The following NRXN3 variants were observed in gnomAD, a reference collection of about 807,000 sequenced individuals.
The protein encoded by NRXN3 is neurexin 3.
Under a neutral mutation model 137.6 loss-of-function variants are expected in NRXN3, and 32 were observed. The ratio of observed to expected loss-of-function variants is 0.23; its 90% CI spans 0.18 to 0.31. NRXN3 has a LOEUF of 0.31. Ranked by LOEUF, NRXN3 falls within the 10% of genes least tolerant of loss-of-function variation. The pLI, the probability that NRXN3 is intolerant of heterozygous loss-of-function variation, is 1.00. For missense variants in NRXN3, 1,574 were observed against 2,062.5 expected (o/e 0.76, Z 4.59); for synonymous variants, 798 against 784.5 (o/e 1.02, Z -0.29).
At chr14:79,593,968 T>C (rs2097836889) in intron 16 of NRXN3, among the ~76,000 whole-genome samples, 1 of 152,204 alleles carries the variant, frequency 6.6e-6, no homozygotes, top group African/African-American at 2.4e-5. Context: ...AACATTATAA[T>C]AGATGCCCTC....
intron 10 of NRXN3, among the ~76,000 whole-genome samples, chr14:78,834,708 A>G (rs1251788005): frequency 6.6e-6 from 1 of 152,054 alleles, no homozygotes; most frequent in Non-Finnish European, 1.5e-5. Flanking sequence ...GTGTTCCTGA[A>G]TTTCCTCTGC....
At chr14:78,701,570 C>T (rs1376790317) in intron 6 of NRXN3, among the ~76,000 whole-genome samples, 2 of 152,320 alleles carry the variant, frequency 1.3e-5, no homozygotes, top group Middle Eastern at 3.4e-3. Context: ...TCTACTCCAG[C>T]TTGCCATATG....
intron 16 of NRXN3, among the ~76,000 whole-genome samples, chr14:79,516,430 G>C (rs2096985379): frequency 1.3e-5 from 2 of 152,160 alleles, no homozygotes; most frequent in African/African-American, 4.8e-5. Flanking sequence ...CAACTAGCAG[G>C]AGTGTTCAGA....
At chr14:78,297,339 T>C (rs1356906351) in intron 3 of NRXN3, among the ~76,000 whole-genome samples, 2 of 152,212 alleles carry the variant, frequency 1.3e-5, no homozygotes, top group Admixed American at 1.3e-4. Context: ...TGGTAGTCTC[T>C]GGAAGGTGGG....
intron 10 of NRXN3, among the ~76,000 whole-genome samples, chr14:78,878,133 G>A (rs1173158064): frequency 1.1e-4 from 16 of 152,080 alleles, no homozygotes; most frequent in Admixed American, 1.0e-3. Flanking sequence ...AAAAAGGCCT[G>A]TAGCTACTGG....
intron 4 of NRXN3, among the ~76,000 whole-genome samples, chr14:78,530,614 A>G (rs1332506726): frequency 6.6e-6 from 1 of 152,148 alleles, no homozygotes; most frequent in Non-Finnish European, 1.5e-5. Flanking sequence ...CCAAGTGTAG[A>G]CAGGAGTAGG....
At chr14:78,993,582 A>T (rs1174386255) in intron 15 of NRXN3, among the ~76,000 whole-genome samples, 1 of 152,188 alleles carries the variant, frequency 6.6e-6, no homozygotes, top group Admixed American at 6.6e-5. Context: ...CTTAGAATGC[A>T]CTTTATCATG....
intron 4 of NRXN3, among the ~76,000 whole-genome samples, chr14:78,430,045 G>A (rs2093816019): frequency 6.6e-6 from 1 of 152,190 alleles, no homozygotes; most frequent in South Asian, 2.1e-4. Context: ...AGCAGCGTAG[G>A]CAACATAGCA....
intron 15 of NRXN3, among the ~76,000 whole-genome samples, chr14:79,364,860 G>C (rs1480043562): frequency 6.6e-6 from 1 of 152,084 alleles, no homozygotes; most frequent in Non-Finnish European, 1.5e-5. Context: ...TTAATTAGTA[G>C]AGACCCTTTC....
chr14:78,961,659 T>C (rs185918408), intron 11 of NRXN3, among the ~76,000 whole-genome samples: 1 of 152,274 alleles, frequency 6.6e-6, no homozygotes, highest in Non-Finnish European at 1.5e-5. Context: ...GTTTTACAGA[T>C]GGGGATCTGA....
chr14:79,558,989 T>A (rs2097460440), intron 16 of NRXN3, among the ~76,000 whole-genome samples: 1 of 152,074 alleles, frequency 6.6e-6, no homozygotes, highest in Non-Finnish European at 1.5e-5. Context: ...AGCTTCCTAC[T>A]TTTTTTTCCT....
At chr14:78,480,971 C>T (rs1277458958) in intron 4 of NRXN3, among the ~76,000 whole-genome samples, 1 of 152,042 alleles carries the variant, frequency 6.6e-6, no homozygotes, top group African/African-American at 2.4e-5. Context: ...CCTTTGTGAC[C>T]TCTTTCTGTG....
intron 15 of NRXN3, among the ~76,000 whole-genome samples, chr14:79,055,129 C>T (rs142794186): frequency 6.0e-4 from 92 of 152,282 alleles, no homozygotes; most frequent in Middle Eastern, 3.4e-3. Flanking sequence ...ACACCTTAGG[C>T]GTTAGCTGTC....
chr14:78,624,350 A>T (rs538374252), intron 4 of NRXN3, among the ~76,000 whole-genome samples: 1 of 152,202 alleles, frequency 6.6e-6, no homozygotes, highest in African/African-American at 2.4e-5. Flanking sequence ...TTCTTCTCAC[A>T]CAGGGAGGTA....
At chr14:79,181,859 T>TG (rs1385838351) in intron 15 of NRXN3, among the ~76,000 whole-genome samples, 3 of 152,062 alleles carry the variant, frequency 2.0e-5, no homozygotes, top group Non-Finnish European at 4.4e-5. Flanking sequence ...ATTACCCTCA[T>TG]TAAATCTTAC....
At position 79,478,568 on chromosome 14, in the gene NRXN3, G is replaced by A. The variant is rs1039188224; in HGVS notation, c.3444+11166G>A. ...CCTAGAGAGCTGCCACCAATTAGCA[G>A]TTACCCTATGTAAATGGTAGAGGTG... On this transcript the variant is annotated intron_variant, in intron 16 of 20. Transcript: ENST00000335750. Among the ~76,000 whole-genome samples the A allele has an allele frequency of 2.6e-5, 4 of 152,216 alleles. No individual in the cohort carries two copies. The South Asian group carries it at 8.3e-4, about 32-fold the overall frequency.
chr14:79,212,555 A>C (rs1194895324), intron 15 of NRXN3, among the ~76,000 whole-genome samples: 1 of 152,148 alleles, frequency 6.6e-6, no homozygotes, highest in Non-Finnish European at 1.5e-5. Context: ...CCTTCAGAGG[A>C]TGCCAGGCCT....
At chr14:79,275,847 A>G in intron 15 of NRXN3, among the ~76,000 whole-genome samples, 1 of 152,102 alleles carries the variant, frequency 6.6e-6, no homozygotes, top group Admixed American at 6.5e-5. Context: ...CAGGATCCAA[A>G]GAGTATGGTT....
intron 4 of NRXN3, among the ~76,000 whole-genome samples, chr14:78,430,662 A>C (rs1399887421): frequency 6.6e-6 from 1 of 152,210 alleles, no homozygotes; most frequent in Non-Finnish European, 1.5e-5. Context: ...GCCCATGTGC[A>C]TCCAGCTGAA....
Sources: gnomAD v4.1 joint callset for allele counts (sites outside exome capture counted in the v4.1 genomes callset) on GRCh38, gnomAD v4.1.1 for gene constraint, MANE v1.5 for transcripts, NCBI Gene and HGNC (gene_info 2026-07-23, HGNC 2026-07-21) for gene names.